TMEM106B: variants seen among roughly 807,000 people sequenced by gnomAD.
The protein encoded by TMEM106B is transmembrane protein 106B.
TMEM106B carries 15 observed loss-of-function variants against 31.1 expected under a neutral mutation model. The ratio of observed to expected loss-of-function variants is 0.48; its 90% CI spans 0.32 to 0.74. The LOEUF is 0.74. Among genes scored for constraint, TMEM106B ranks in the 30% least tolerant of loss-of-function variants. The probability of loss-of-function intolerance (pLI) is 0.03; values close to 1 mark genes in which losing one functional copy is unlikely to be tolerated. For synonymous variants in TMEM106B, 126 were observed against 112.5 expected, an observed-to-expected ratio of 1.12 and a Z score of -0.76; for missense variants, 283 against 327.3, an observed-to-expected ratio of 0.86 and a Z score of 1.04.
At chr7:12,218,133 A>C (rs1454254793) in intron 2 of TMEM106B, among the ~76,000 whole-genome samples, 3 of 152,186 alleles carry the variant, frequency 2.0e-5, no homozygotes, top group African/African-American at 7.2e-5. Context: ...CAGAGTCTTA[A>C]TGGACACCAG....
In TMEM106B at chr7:12,242,055, G is replaced by C. The variant is rs192867079; in HGVS notation, c.*10080G>C. 188 of 151,968 alleles carry C rather than the reference G, an allele frequency of 1.2e-3. 1 individual carries two copies. Among genetic ancestry groups the C allele is most frequent in the African/African-American group, 4.3e-3 (176 of 41,312 alleles). 9.4% of individuals were successfully genotyped at this position (151,968 alleles called of 1,614,324 possible). On this transcript the variant is annotated 3_prime_UTR_variant, in exon 8 of 8. Coordinates refer to ENST00000396668, the MANE Select transcript of TMEM106B (RefSeq NM_001134232.2). ...GCATAAATGTCTTCTTTTGAGAAGT[G>C]TAAGGTACTTAATTCTTAAATTAAA...
At chr7:12,219,675 G>A (rs1409943062) in intron 3 of TMEM106B, among the ~76,000 whole-genome samples, 18 of 152,120 alleles carry the variant, frequency 1.2e-4, no homozygotes, top group Non-Finnish European at 1.9e-4. Flanking sequence ...ACAGACCTCT[G>A]GAAAGAATTA....
In TMEM106B at chr7:12,240,849, GACCCCTGA is replaced by G. The variant is rs1326422014; in HGVS notation, c.*8877_*8884del. On this transcript the variant is annotated 3_prime_UTR_variant, in exon 8 of 8. Coordinates refer to ENST00000396668, the MANE Select transcript of TMEM106B (RefSeq NM_001134232.2). ...GCCCCTGACTGCTCACCTTTCCAGG[GACCCCTGA>G]ACATTGGCCTAGAGGGTAGTGTACA... The G allele has an allele frequency of 6.6e-6, 1 of 152,110 alleles. No homozygotes were observed. The highest frequency in any genetic ancestry group is 1.5e-5 in the Non-Finnish European group (1 of 68,024). 9.4% of individuals were successfully genotyped at this position (152,110 alleles called of 1,614,324 possible).
chr7:12,230,361 C>G (rs1554310328), intron 5 of TMEM106B, 28 bp from the exon 6 acceptor site: 2 of 1,536,520 alleles, frequency 1.3e-6, no homozygotes, highest in East Asian at 2.3e-5. Flanking sequence ...ATCTTGTTCT[C>G]TATCGAATTT....
rs34853509 is a variant in TMEM106B, at chr7:12,232,747, CAAAT to C, written c.*776_*779del. The C allele has an allele frequency of 1.3e-5, 2 of 152,084 alleles. No homozygotes were observed. The highest frequency in any genetic ancestry group is 6.6e-5 in the Admixed American group (1 of 15,222). 9.4% of individuals were successfully genotyped at this position (152,084 alleles called of 1,614,324 possible). On this transcript the variant is annotated 3_prime_UTR_variant, in exon 8 of 8. Transcript: ENST00000396668. Reference sequence around the variant, plus strand: ...GCTTTTATACAGCTTTAGTAAATGTCAAATAAAGTGGTACAGACTCATTACAACA... The same window carrying C: ...GCTTTTATACAGCTTTAGTAAATGTCAAAGTGGTACAGACTCATTACAACA...
chr7:12,218,416 A>C (rs1191235048), intron 2 of TMEM106B, 42 bp from the exon 3 acceptor site: 1 of 1,543,118 alleles, frequency 6.5e-7, no homozygotes, highest in Admixed American at 1.7e-5. Context: ...TATATTTTTA[A>C]CTAATCATAG....
Position 12,224,307 on chromosome 7 carries a change from C to T in TMEM106B, c.363C>T (p.Ile121=), listed in dbSNP as rs766768609. The change falls in exon 4 of 8, where the codon ATC becomes ATT. Residue 121 remains isoleucine, a synonymous_variant. Coordinates refer to ENST00000396668, the MANE Select transcript of TMEM106B (RefSeq NM_001134232.2). ...LAVFFLFPRS[I]DVKYIGVKSA... The stretch of plus-strand genomic sequence containing the variant: ...TGTTTTTCCTTTTCCCTCGCTCTAT[C>T]GACGTGAAATACATTGGTGTAAAAT... 6.8e-6 allele frequency: 11 copies of T among 1,613,812 alleles called. No homozygotes were observed. Among genetic ancestry groups the T allele is most frequent in the South Asian group, 1.1e-5 (1 of 91,088 alleles).
chr7:12,229,224 A>T (rs528418293), intron 4 of TMEM106B, among the ~76,000 whole-genome samples: 1 of 152,268 alleles, frequency 6.6e-6, no homozygotes, highest in Non-Finnish European at 1.5e-5. Flanking sequence ...TTGTTACTTA[A>T]GCATGTGAAT....
At position 12,242,230 on chromosome 7, in the gene TMEM106B, G is replaced by C. The variant is rs1261455573; in HGVS notation, c.*10255G>C. 2 of 93,898 alleles carry C rather than the reference G, an allele frequency of 2.1e-5. 1 individual carries two copies. Among genetic ancestry groups the C allele is most frequent in the Non-Finnish European group, 3.9e-5 (2 of 51,694 alleles). 5.8% of individuals were successfully genotyped at this position (93,898 alleles called of 1,614,324 possible). A position where few individuals can be genotyped will look rare whatever the true frequency, so the allele number is the denominator to read the frequency against. ...CTACTAAAAATACAAAAAATTAGCC[G>C]GGCGCGGTGGCGGGCGCCTGTAGTC... On this transcript the variant is annotated 3_prime_UTR_variant, in exon 8 of 8. Coordinates refer to ENST00000396668, the MANE Select transcript of TMEM106B (RefSeq NM_001134232.2).
intron 3 of TMEM106B, 109 bp downstream of exon 3, chr7:12,218,630 T>C (rs1781732525): frequency 2.3e-6 from 2 of 853,118 alleles, no homozygotes; most frequent in Admixed American, 2.8e-5. Context: ...AAAAATGCTG[T>C]CACGTAGTTA....
intron 4 of TMEM106B, 27 bp downstream of exon 4, chr7:12,224,412 T>C (rs748407826): frequency 2.5e-6 from 4 of 1,572,044 alleles, no homozygotes; most frequent in Admixed American, 1.7e-5. Flanking sequence ...ATGAAAAATG[T>C]TTAACTTCAT....
At chr7:12,212,657 A>G (rs1192266314) in intron 1 of TMEM106B, among the ~76,000 whole-genome samples, 2 of 152,164 alleles carry the variant, frequency 1.3e-5, no homozygotes, top group Non-Finnish European at 2.9e-5. Context: ...TTCATGGAGT[A>G]CAAGTGCCAT....
rs1328050594 is a variant in TMEM106B, at chr7:12,235,453, A to G, written c.*3478A>G. Reference sequence around the variant, plus strand: ...AATTATTTTCTCTAAGAAAATGACAATAAAATATAACACACTTCAGATTGT... The same window carrying G: ...AATTATTTTCTCTAAGAAAATGACAGTAAAATATAACACACTTCAGATTGT... On this transcript the variant is annotated 3_prime_UTR_variant, in exon 8 of 8. Transcript: ENST00000396668. 2.0e-5 allele frequency: 3 copies of G among 152,010 alleles called. No homozygotes were observed. The highest frequency in any genetic ancestry group is 4.8e-5 in the African/African-American group (2 of 41,412). 9.4% of individuals were successfully genotyped at this position (152,010 alleles called of 1,614,324 possible). A position where few individuals can be genotyped will look rare whatever the true frequency, so the allele number is the denominator to read the frequency against.
chr7:12,227,695 A>G (rs1007431591), intron 4 of TMEM106B, among the ~76,000 whole-genome samples: 2 of 127,392 alleles, frequency 1.6e-5, no homozygotes, highest in African/African-American at 2.9e-5. Context: ...CTGAAAGTAC[A>G]TTTGCCAATT....
intron 2 of TMEM106B, among the ~76,000 whole-genome samples, chr7:12,217,714 G>C (rs1333684998): frequency 1.3e-5 from 2 of 152,098 alleles, no homozygotes; most frequent in Non-Finnish European, 2.9e-5. Flanking sequence ...ACAGATGAGA[G>C]GAAGAGTATA....
chr7:12,230,145 T>C (rs146277036), intron 5 of TMEM106B, among the ~76,000 whole-genome samples: 53 of 151,762 alleles, frequency 3.5e-4, no homozygotes, highest in African/African-American at 1.2e-3. Flanking sequence ...TGGAGCCCAG[T>C]AGGTCGAGGC....
rs548812991 is a variant in TMEM106B at position 12,234,044 on chromosome 7, T to C, written c.*2069T>C. ...TCATATCCTTTCTATTATGTTCCCA[T>C]CCTGTCCTCATGTCCCATTTACTTT... On this transcript the variant is annotated 3_prime_UTR_variant, in exon 8 of 8. Transcript: ENST00000396668. The C allele has an allele frequency of 1.3e-5, 2 of 151,966 alleles. No homozygotes were observed. Among genetic ancestry groups the C allele is most frequent in the South Asian group, 4.1e-4 (2 of 4,826 alleles). 9.4% of individuals were successfully genotyped at this position (151,966 alleles called of 1,614,324 possible). A position where few individuals can be genotyped will look rare whatever the true frequency, so the allele number is the denominator to read the frequency against.
chr7:12,234,883 G>C lies in TMEM106B; in HGVS notation c.*2908G>C, dbSNP rs530529667. Reference sequence around the variant, plus strand: ...GATAGGCTCCTTATCTTTTAGAAGAGGAAGGAAAGGCATGAAGAAGTTGAG... The same window carrying C: ...GATAGGCTCCTTATCTTTTAGAAGACGAAGGAAAGGCATGAAGAAGTTGAG... On this transcript the variant is annotated 3_prime_UTR_variant, in exon 8 of 8. Transcript: ENST00000396668. 112 of 151,896 alleles carry C rather than the reference G, an allele frequency of 7.4e-4. 1 individual carries two copies. The highest frequency in any genetic ancestry group is 2.5e-3 in the African/African-American group (105 of 41,504). The allele number at this position is 151,896 out of a possible 1,614,324, so 9.4% of individuals were successfully genotyped here.
chr7:12,242,766 G>A lies in TMEM106B; in HGVS notation c.*10791G>A, dbSNP rs1248173892. 1.3e-5 allele frequency: 2 copies of A among 151,762 alleles called. No homozygotes were observed. Among genetic ancestry groups the A allele is most frequent in the Non-Finnish European group, 2.9e-5 (2 of 67,930 alleles). 9.4% of individuals were successfully genotyped at this position (151,762 alleles called of 1,614,324 possible). ...CCTTCCTAAAATACTGTTAATAGCTGGCTATTTTGTAAGCCTGTATCTGGT... is the reference window on the plus strand; with the variant it reads ...CCTTCCTAAAATACTGTTAATAGCTAGCTATTTTGTAAGCCTGTATCTGGT... On this transcript the variant is annotated 3_prime_UTR_variant, in exon 8 of 8. Transcript: ENST00000396668.
Sources: gnomAD v4.1 joint callset for allele counts (sites outside exome capture counted in the v4.1 genomes callset) on GRCh38, gnomAD v4.1.1 for gene constraint, MANE v1.5 for transcripts, NCBI Gene and HGNC (gene_info 2026-07-23, HGNC 2026-07-21) for gene names.